Variants in CNTNAP5 observed in about 807,000 individuals in gnomAD.
CNTNAP5 encodes contactin associated protein family member 5, also known as contactin-associated protein-like 5.
A neutral mutation model predicts 150.2 loss-of-function variants in CNTNAP5; 72 were observed. The observed-to-expected ratio is 0.48, with a 90% confidence interval of 0.40 to 0.58. The LOEUF (loss-of-function observed/expected upper bound fraction) is 0.58. Ranked by LOEUF, CNTNAP5 falls within the 20% of genes least tolerant of loss-of-function variation. The pLI, the probability that CNTNAP5 is intolerant of heterozygous loss-of-function variation, is 0.00. For missense variants in CNTNAP5, 1,636 were observed against 1,626.2 expected, an observed-to-expected ratio of 1.01 and a Z score of -0.10; for synonymous variants, 672 against 619.8, an observed-to-expected ratio of 1.08 and a Z score of -1.25.
chr2:124,453,138 A>G (rs1294135374), intron 6 of CNTNAP5, among the ~76,000 whole-genome samples: 1 of 152,140 alleles, frequency 6.6e-6, no homozygotes, highest in East Asian at 1.9e-4. Flanking sequence ...AAATCATGCA[A>G]GAAGTGAAGG....
chr2:124,834,328 AT>A (rs573564212), intron 19 of CNTNAP5, among the ~76,000 whole-genome samples: 194 of 152,184 alleles, frequency 1.3e-3, no homozygotes, highest in African/African-American at 4.6e-3. Flanking sequence ...CACAAATGAT[AT>A]TTTCCTTAAA....
At chr2:124,654,706 T>C (rs1396139725) in intron 13 of CNTNAP5, among the ~76,000 whole-genome samples, 2 of 152,198 alleles carry the variant, frequency 1.3e-5, no homozygotes, top group East Asian at 3.9e-4. Context: ...GCTCCCATAT[T>C]TCTTTCCTTT....
chr2:124,580,009 G>A (rs1288755720), intron 11 of CNTNAP5, among the ~76,000 whole-genome samples: 1 of 152,204 alleles, frequency 6.6e-6, no homozygotes, highest in Non-Finnish European at 1.5e-5. Context: ...GAACAGGCCA[G>A]GTTTTGTTCT....
At chr2:124,358,332 A>C (rs888408115) in intron 3 of CNTNAP5, among the ~76,000 whole-genome samples, 105 of 152,268 alleles carry the variant, frequency 6.9e-4, no homozygotes, top group African/African-American at 2.4e-3. Context: ...CAGAACTTCC[A>C]ACACTACGTT....
intron 7 of CNTNAP5, among the ~76,000 whole-genome samples, chr2:124,495,160 C>A (rs900227013): frequency 6.6e-6 from 1 of 151,982 alleles, no homozygotes; most frequent in Non-Finnish European, 1.5e-5. Context: ...CTAGTGGTGG[C>A]AAAATAGTTT....
At chr2:124,453,810 T>C (rs1419212541) in intron 6 of CNTNAP5, among the ~76,000 whole-genome samples, 1 of 152,104 alleles carries the variant, frequency 6.6e-6, no homozygotes, top group Non-Finnish European at 1.5e-5. Flanking sequence ...AAAGATACAG[T>C]CTTTTTCAGA....
chr2:124,228,474 G>T (rs1475684553), intron 2 of CNTNAP5, among the ~76,000 whole-genome samples: 3 of 152,118 alleles, frequency 2.0e-5, no homozygotes, highest in Non-Finnish European at 4.4e-5. Context: ...GTCTTACAGG[G>T]TTATAAAACT....
At chr2:124,893,865 A>C (rs1678250979) in intron 21 of CNTNAP5, among the ~76,000 whole-genome samples, 1 of 152,174 alleles carries the variant, frequency 6.6e-6, no homozygotes, top group African/African-American at 2.4e-5. Flanking sequence ...TATACGACTC[A>C]TCAGAAATAA....
At chr2:124,580,630 G>T (rs1269315394) in intron 11 of CNTNAP5, among the ~76,000 whole-genome samples, 1 of 152,170 alleles carries the variant, frequency 6.6e-6, no homozygotes, top group Non-Finnish European at 1.5e-5. Context: ...CCTCCTTACA[G>T]CCTCCACAAT....
intron 1 of CNTNAP5, among the ~76,000 whole-genome samples, chr2:124,202,539 C>A (rs756797210): frequency 2.0e-5 from 3 of 152,074 alleles, no homozygotes; most frequent in Non-Finnish European, 2.9e-5. Flanking sequence ...AGTCTGCATA[C>A]GAGCATTGTG....
intron 13 of CNTNAP5, among the ~76,000 whole-genome samples, chr2:124,674,568 T>G (rs1010483950): frequency 2.0e-5 from 3 of 148,998 alleles, no homozygotes; most frequent in African/African-American, 7.4e-5. Flanking sequence ...TCTTCCTTTC[T>G]TTCTTTCTTT....
chr2:124,259,043 T>C (rs1573872530), intron 3 of CNTNAP5, among the ~76,000 whole-genome samples: 1 of 132,948 alleles, frequency 7.5e-6, no homozygotes, highest in East Asian at 2.5e-4. Flanking sequence ...GTGTGTGATG[T>C]TCCCCACCCT....
intron 1 of CNTNAP5, among the ~76,000 whole-genome samples, chr2:124,037,364 A>T (rs1681253665): frequency 6.6e-6 from 1 of 152,210 alleles, no homozygotes; most frequent in African/African-American, 2.4e-5. Flanking sequence ...CATGGATTTT[A>T]TCTTTAAATT....
intron 12 of CNTNAP5, among the ~76,000 whole-genome samples, chr2:124,615,369 T>C (rs559981044): frequency 6.6e-6 from 1 of 152,354 alleles, no homozygotes; most frequent in African/African-American, 2.4e-5. Context: ...CCTTTTGTTG[T>C]CATTTTAACA....
At chr2:124,704,530 A>G (rs1679593052) in intron 13 of CNTNAP5, among the ~76,000 whole-genome samples, 2 of 152,238 alleles carry the variant, frequency 1.3e-5, no homozygotes, top group African/African-American at 4.8e-5. Flanking sequence ...ATGTTTATGC[A>G]GAATGTGTTA....
intron 13 of CNTNAP5, among the ~76,000 whole-genome samples, chr2:124,687,702 A>G (rs1201184672): frequency 6.6e-6 from 1 of 151,936 alleles, no homozygotes; most frequent in Non-Finnish European, 1.5e-5. Flanking sequence ...AAAAGTCTGT[A>G]ATGAAAAATA....
intron 1 of CNTNAP5, among the ~76,000 whole-genome samples, chr2:124,094,311 A>G (rs1360025951): frequency 1.3e-5 from 2 of 152,174 alleles, no homozygotes. Context: ...TCCTTTTCCA[A>G]AATTATACGA....
chr2:124,541,731 T>A (rs982287862), intron 10 of CNTNAP5, among the ~76,000 whole-genome samples: 1 of 152,126 alleles, frequency 6.6e-6, no homozygotes, highest in African/African-American at 2.4e-5. Context: ...ATCTGAGAAG[T>A]AGAGGAAAGC....
In CNTNAP5 at chr2:124,919,081, C is replaced by G. The variant is rs2104776370; in HGVS notation, c.*4793C>G. Among the ~76,000 whole-genome samples, 1 of 152,170 alleles carries G rather than the reference C, an allele frequency of 6.6e-6. No homozygotes were observed. The highest frequency in any genetic ancestry group is 2.1e-4 in the South Asian group (1 of 4,818). ...TGTCTCTAATTATCAGCTCTGCCTT[C>G]ACAAATTCCAAATTTGAACCACCTA... On this transcript the variant is annotated 3_prime_UTR_variant, in exon 24 of 24. Coordinates refer to ENST00000682447, the MANE Select transcript of CNTNAP5 (RefSeq NM_001367498.1).
Sources: allele counts gnomAD v4.1 joint callset (sites outside exome capture counted in the v4.1 genomes callset), GRCh38; gene constraint gnomAD v4.1.1; transcripts MANE v1.5; gene names NCBI Gene and HGNC (gene_info 2026-07-23, HGNC 2026-07-21).